The following NSMAF variants were observed in gnomAD, a reference collection of about 807,000 sequenced individuals.
NSMAF encodes the protein neutral sphingomyelinase activation associated factor, also known as protein FAN.
A neutral mutation model predicts 134.9 loss-of-function variants in NSMAF; 90 were observed. The observed-to-expected ratio is 0.67, with a 90% CI of 0.56 to 0.79. NSMAF has a LOEUF of 0.79. NSMAF is among the 30% of genes least tolerant of loss of function. The pLI is 0.00. For synonymous variants in NSMAF, 358 were observed against 389.6 expected, an observed-to-expected ratio of 0.92 and a Z score of 0.96; for missense variants, 1,010 against 1,119.0, an observed-to-expected ratio of 0.90 and a Z score of 1.39.
At chr8:58,585,579 C>A in intron 30 of NSMAF, 73 bp downstream of exon 30, 5 of 1,115,434 alleles carry the variant, frequency 4.5e-6, no homozygotes, top group South Asian at 3.8e-5. Flanking sequence ...AGAGTATGTT[C>A]CCTGATGGAA....
chr8:58,652,267 T>G (rs921054014), intron 1 of NSMAF, among the ~76,000 whole-genome samples: 2 of 152,158 alleles, frequency 1.3e-5, no homozygotes, highest in Non-Finnish European at 2.9e-5. Flanking sequence ...TTAACAATAT[T>G]GGTTTGTTGC....
Position 58,635,269 on chromosome 8 carries a change from T to C in NSMAF, c.296+36A>G, listed in dbSNP as rs748869202. 6 of 1,608,366 alleles carry C rather than the reference T, an allele frequency of 3.7e-6. No individual in the cohort carries two copies. The African/African-American group carries it at 5.4e-5, about 14-fold the overall frequency. On this transcript the variant is annotated intron_variant, in intron 4 of 30. Transcript: ENST00000038176. ...TCATTAAATATATACAGCTTTTTGGTTGAAGTAAAATTAAACAGTGGTGAA... is the reference window on the plus strand; with the variant it reads ...TCATTAAATATATACAGCTTTTTGGCTGAAGTAAAATTAAACAGTGGTGAA...
chr8:58,601,225 A>G lies in NSMAF; in HGVS notation c.1280+60T>C, dbSNP rs189544420. 474 of 1,340,246 alleles carry G rather than the reference A, an allele frequency of 3.5e-4. 2 individuals carry two copies. In the East Asian group the frequency reaches 9.7e-3, roughly 27 times the overall value. 83.0% of individuals were successfully genotyped at this position (1,340,246 alleles called of 1,614,324 possible). ...TTATATCCAGTGCTTTGAAACAAGT[A>G]TGTTGTATATATACAATCAGAAAGT... is the stretch of plus-strand genomic sequence containing the variant. On this transcript the variant is annotated intron_variant, in intron 16 of 30. Coordinates refer to ENST00000038176, the MANE Select transcript of NSMAF (RefSeq NM_003580.4).
At chr8:58,641,094 G>A (rs907699613) in intron 2 of NSMAF, among the ~76,000 whole-genome samples, 1 of 151,274 alleles carries the variant, frequency 6.6e-6, no homozygotes, top group African/African-American at 2.4e-5. Flanking sequence ...GCTAATTTTT[G>A]TATTTTAGCA....
intron 1 of NSMAF, among the ~76,000 whole-genome samples, chr8:58,650,368 G>A (rs185486878): frequency 6.6e-6 from 1 of 152,176 alleles, no homozygotes; most frequent in African/African-American, 2.4e-5. Flanking sequence ...TAACCTTCTT[G>A]TTTTATATTA....
At chr8:58,590,801 G>T (rs543825031) in intron 24 of NSMAF, 66 bp downstream of exon 24, 3 of 1,424,380 alleles carry the variant, frequency 2.1e-6, no homozygotes, top group Admixed American at 4.0e-5. Flanking sequence ...AAGTATTATT[G>T]TATGGGTGTG....
chr8:58,638,495 C>CA (rs1807255155), intron 2 of NSMAF, among the ~76,000 whole-genome samples: 1 of 152,124 alleles, frequency 6.6e-6, no homozygotes. Context: ...GTCAACTAAT[C>CA]ATCCACAAAG....
chr8:58,613,522 G>A (rs560935330), intron 9 of NSMAF, among the ~76,000 whole-genome samples: 2 of 150,714 alleles, frequency 1.3e-5, no homozygotes, highest in East Asian at 3.9e-4. Context: ...AAAAATACGA[G>A]AATTACCGAA....
At chr8:58,622,969 G>A (rs975161538) in intron 9 of NSMAF, among the ~76,000 whole-genome samples, 1 of 152,146 alleles carries the variant, frequency 6.6e-6, no homozygotes, top group Non-Finnish European at 1.5e-5. Context: ...CCTGAACTGA[G>A]GCAACACAAT....
intron 6 of NSMAF, among the ~76,000 whole-genome samples, chr8:58,626,091 C>CGTTTTTTTTTTTTTTTTTTTTTTTTTTTT (rs1563537415): frequency 1.0e-5 from 1 of 99,370 alleles, no homozygotes; most frequent in Non-Finnish European, 1.9e-5. Flanking sequence ...TTATATAATT[C>CGTTTTTTTTTTTTTTTTTTTTTTTTTTTT]TTTTTTTTTT....
chr8:58,650,663 G>T (rs1807563410), intron 1 of NSMAF, among the ~76,000 whole-genome samples: 1 of 152,136 alleles, frequency 6.6e-6, no homozygotes, highest in Non-Finnish European at 1.5e-5. Context: ...TAGGTTCTAT[G>T]TATGACAGGA....
intron 1 of NSMAF, among the ~76,000 whole-genome samples, chr8:58,644,823 G>C (rs1344206045): frequency 6.6e-6 from 1 of 152,174 alleles, no homozygotes; most frequent in Non-Finnish European, 1.5e-5. Context: ...CAGCGACATG[G>C]ATGAAGCTGG....
chr8:58,643,505 C>G (rs1040681435), intron 1 of NSMAF, among the ~76,000 whole-genome samples: 1 of 152,014 alleles, frequency 6.6e-6, no homozygotes, highest in Middle Eastern at 3.4e-3. Context: ...GAGTTACTCC[C>G]ACAAGAACAC....
intron 9 of NSMAF, among the ~76,000 whole-genome samples, chr8:58,617,273 C>T (rs1031386743): frequency 5.3e-5 from 8 of 152,114 alleles, no homozygotes; most frequent in Non-Finnish European, 1.2e-4. Context: ...GACTAAAACA[C>T]GAAAAGCAAT....
intron 4 of NSMAF, 23 bp from the exon 5 acceptor site, chr8:58,635,248 T>C: frequency 6.2e-7 from 1 of 1,609,180 alleles, no homozygotes; most frequent in African/African-American, 1.3e-5. Context: ...TAAAAGTCAT[T>C]AAATATATAC....
At chr8:58,585,152 G>A (rs1805853919) in intron 30 of NSMAF, among the ~76,000 whole-genome samples, 1 of 152,078 alleles carries the variant, frequency 6.6e-6, no homozygotes, top group African/African-American at 2.4e-5. Context: ...AAAAACATGG[G>A]CAGAACAGTT....
intron 30 of NSMAF, among the ~76,000 whole-genome samples, chr8:58,584,921 C>T (rs1376857684): frequency 6.6e-6 from 1 of 152,194 alleles, no homozygotes; most frequent in Non-Finnish European, 1.5e-5. Context: ...AGCCACTGAG[C>T]CTGGCCCAGA....
chr8:58,613,205 A>ATCT (rs1806569452), intron 9 of NSMAF, among the ~76,000 whole-genome samples: 1 of 152,212 alleles, frequency 6.6e-6, no homozygotes, highest in Non-Finnish European at 1.5e-5. Flanking sequence ...ATTTCTATGC[A>ATCT]AACACATATA....
intron 9 of NSMAF, among the ~76,000 whole-genome samples, chr8:58,617,066 T>C (rs1196090457): frequency 6.6e-6 from 1 of 152,208 alleles, no homozygotes. Flanking sequence ...AAATCTGTAC[T>C]ATCTTTTGGT....
Sources: allele counts gnomAD v4.1 joint callset (sites outside exome capture counted in the v4.1 genomes callset), GRCh38; gene constraint gnomAD v4.1.1; transcripts MANE v1.5; gene names NCBI Gene and HGNC (gene_info 2026-07-23, HGNC 2026-07-21).